Variants in CHLSN observed in about 807,000 individuals in gnomAD.
CHLSN encodes cholesin.
chr7:997,861 A>G, the CHLSN span: 4 of 1,485,568 alleles, frequency 2.7e-6, no homozygotes, highest in Non-Finnish European at 3.7e-6. Flanking sequence ...GCCGCTGAAC[A>G]GCAGGAGACA....
chr7:1,041,458 A>G, the CHLSN span, among the ~76,000 whole-genome samples: 37 of 151,800 alleles, frequency 2.4e-4, no homozygotes, highest in South Asian at 1.2e-3. Context: ...GGCTCTGCCC[A>G]GGGACTCCAC....
chr7:1,036,705 G>A, the CHLSN span, among the ~76,000 whole-genome samples: 7 of 121,766 alleles, frequency 5.7e-5, no homozygotes, highest in South Asian at 2.7e-4. Flanking sequence ...GGAAGATGGC[G>A]GCTGCTCCTT....
chr7:1,001,505 A>T, the CHLSN span, among the ~76,000 whole-genome samples: 3 of 106,726 alleles, frequency 2.8e-5, no homozygotes, highest in African/African-American at 1.2e-4. Context: ...GGGTGAGTGG[A>T]GTCCTGTGGG....
chr7:978,867 C>A, the CHLSN span, among the ~76,000 whole-genome samples: 1 of 152,260 alleles, frequency 6.6e-6, no homozygotes, highest in African/African-American at 2.4e-5. Context: ...TTCCACGAGG[C>A]CTGGGCCGGG....
At chr7:1,099,085 T>C in the CHLSN span, among the ~76,000 whole-genome samples, 2 of 150,134 alleles carry the variant, frequency 1.3e-5, no homozygotes, top group South Asian at 2.1e-4. Context: ...TGTCACGTTC[T>C]TGCAGCGGCC....
At chr7:1,118,368 A>G in the CHLSN span, among the ~76,000 whole-genome samples, 1 of 152,238 alleles carries the variant, frequency 6.6e-6, no homozygotes, top group Non-Finnish European at 1.5e-5. Flanking sequence ...AATTGACAAT[A>G]GAATTAGAAA....
the CHLSN span, among the ~76,000 whole-genome samples, chr7:1,122,080 T>G: frequency 2.0e-5 from 3 of 152,204 alleles, no homozygotes; most frequent in Admixed American, 6.5e-5. Flanking sequence ...GATCCTGGTC[T>G]CTGCTAGTGG....
chr7:1,027,330 G>A, the CHLSN span, among the ~76,000 whole-genome samples: 1 of 152,256 alleles, frequency 6.6e-6, no homozygotes, highest in South Asian at 2.1e-4. Context: ...CAGCCGTGAG[G>A]CCCAGCAGCA....
chr7:1,070,242 G>A, the CHLSN span, among the ~76,000 whole-genome samples: 1 of 140,914 alleles, frequency 7.1e-6, no homozygotes, highest in African/African-American at 2.7e-5. Context: ...CAGCCACCCC[G>A]TCCGGGAGGG....
At chr7:1,033,144 G>A in the CHLSN span, among the ~76,000 whole-genome samples, 38 of 152,252 alleles carry the variant, frequency 2.5e-4, no homozygotes, top group African/African-American at 8.9e-4. Flanking sequence ...ACAAAACTAC[G>A]GACTAATATC....
the CHLSN span, among the ~76,000 whole-genome samples, chr7:1,134,070 T>G: frequency 6.6e-6 from 1 of 152,030 alleles, no homozygotes; most frequent in African/African-American, 2.4e-5. Context: ...CTGCTGGGAT[T>G]GCAGGCGTGA....
At chr7:1,113,268 A>G in the CHLSN span, among the ~76,000 whole-genome samples, 1 of 152,094 alleles carries the variant, frequency 6.6e-6, no homozygotes, top group Non-Finnish European at 1.5e-5. Flanking sequence ...ACTTGCTTTA[A>G]GAGAAAGTGC....
At chr7:991,471 T>C in the CHLSN span, among the ~76,000 whole-genome samples, 2 of 80,664 alleles carry the variant, frequency 2.5e-5, no homozygotes, top group Middle Eastern at 0.011. Context: ...GGCAGGGGTG[T>C]GGGGCGGGCA....
chr7:1,028,459 G>T, the CHLSN span: 2 of 985,376 alleles, frequency 2.0e-6, no homozygotes, highest in Non-Finnish European at 2.4e-6. Flanking sequence ...ACCTCGGCGC[G>T]GGGGTGGGAG....
the CHLSN span, among the ~76,000 whole-genome samples, chr7:987,708 A>C: frequency 3.2e-3 from 486 of 152,312 alleles, 3 homozygotes; most frequent in African/African-American, 0.011. Context: ...CTCACCCCAC[A>C]GCCCAGCACT....
At chr7:1,024,865 C>A in the CHLSN span, 1 of 152,398 alleles carries the variant, frequency 6.6e-6, no homozygotes, top group East Asian at 1.9e-4. Flanking sequence ...CATTCCCCAG[C>A]GTCACACATG....
the CHLSN span, among the ~76,000 whole-genome samples, chr7:987,967 C>G: frequency 2.2e-5 from 3 of 134,870 alleles, no homozygotes; most frequent in African/African-American, 9.6e-5. Context: ...GGGGTCCCCT[C>G]TGTGTGTCCT....
At chr7:1,051,908 G>T in the CHLSN span, among the ~76,000 whole-genome samples, 2 of 152,222 alleles carry the variant, frequency 1.3e-5, no homozygotes, top group Non-Finnish European at 2.9e-5. Context: ...AGCCCAGGAG[G>T]CAGAGGGTGC....
the CHLSN span, among the ~76,000 whole-genome samples, chr7:1,079,317 C>T: frequency 2.0e-5 from 3 of 152,218 alleles, no homozygotes; most frequent in African/African-American, 7.2e-5. Flanking sequence ...CGTCTGCTGT[C>T]CACCTCCCTA....
Sources: gnomAD v4.1 joint callset for allele counts (sites outside exome capture counted in the v4.1 genomes callset) on GRCh38, gnomAD v4.1.1 for gene constraint, MANE v1.5 for transcripts, NCBI Gene and HGNC (gene_info 2026-07-23, HGNC 2026-07-21) for gene names.